The following ERN2 variants were observed in gnomAD, a reference collection of about 807,000 sequenced individuals.
The protein encoded by ERN2 is endoplasmic reticulum to nucleus signaling 2.
Under a neutral mutation model 107.9 loss-of-function variants are expected in ERN2, and 111 were observed. The ratio of observed to expected loss-of-function variants is 1.03; its 90% CI spans 0.88 to 1.20. The LOEUF is 1.20. ERN2 is among the 50% of genes most tolerant of loss of function. The pLI is 0.00. For synonymous variants in ERN2, 524 were observed against 501.7 expected (o/e 1.04, Z -0.59); for missense variants, 1,225 against 1,197.9 (o/e 1.02, Z -0.33).
At chr16:23,710,636 C>CA in intron 2 of ERN2, 87 bp from the exon 3 acceptor site, 3 of 1,458,360 alleles carry the variant, frequency 2.1e-6, no homozygotes, top group Non-Finnish European at 2.9e-6. Flanking sequence ...TATGGCATGA[C>CA]TGTGATGTCA....
chr16:23,712,921 G>A (rs1395686770), intron 1 of ERN2, 174 bp downstream of exon 1: 7 of 547,400 alleles, frequency 1.3e-5, no homozygotes, highest in Non-Finnish European at 2.2e-5. Flanking sequence ...GGCAACTGGC[G>A]GCTCCCCAAA....
Position 23,691,308 on chromosome 16 carries a change from G to A in ERN2, c.2494C>T (p.Gln832Ter). 1 of 1,610,686 alleles carries A rather than the reference G, an allele frequency of 6.2e-7. No homozygotes were observed. Among genetic ancestry groups the A allele is most frequent in the Non-Finnish European group, 8.5e-7 (1 of 1,179,618 alleles). The stretch of plus-strand genomic sequence containing the variant: ...ACCTGAGTATGGCCTCTACCTGTCT[G>A]CAGCGGCATGGAGATGTGCTCGTGC... ...NWHEHISMPL[Q>*]TDLRKFRSYK... The change falls in exon 20 of 22, where the codon CAG becomes TAG. Residue 832 changes from glutamine (Q) to a stop codon, truncating the protein, a stop_gained. Transcript: ENST00000256797. LOFTEE classifies it high-confidence loss of function.
chr16:23,701,803 A>G (rs1425561755), intron 11 of ERN2, among the ~76,000 whole-genome samples: 1 of 151,688 alleles, frequency 6.6e-6, no homozygotes, highest in Non-Finnish European at 1.5e-5. Context: ...CTAATTTTTT[A>G]TTTTTATTTT....
chr16:23,692,863 G>A (rs1207090692), intron 17 of ERN2, among the ~76,000 whole-genome samples: 1 of 152,074 alleles, frequency 6.6e-6, no homozygotes. Context: ...GGGACTACAG[G>A]CATGTGCCAC....
At chr16:23,703,570 A>C (rs1960179123) in intron 8 of ERN2, among the ~76,000 whole-genome samples, 1 of 152,214 alleles carries the variant, frequency 6.6e-6, no homozygotes, top group South Asian at 2.1e-4. Context: ...TATTCTTTCT[A>C]AAATGAAAAT....
Position 23,690,656 on chromosome 16 carries a change from A to G in ERN2, c.*175T>C, listed in dbSNP as rs1290325269. ...TTTTTTGTAGAAATGGGGTGTTGCC[A>G]TGTTGGCCAGGCTGGTCTCGAACTC... On this transcript the variant is annotated 3_prime_UTR_variant, in exon 22 of 22. Coordinates refer to ENST00000256797, the MANE Select transcript of ERN2 (RefSeq NM_033266.4). 4 of 613,762 alleles carry G rather than the reference A, an allele frequency of 6.5e-6. No individual in the cohort carries two copies. In the East Asian group the frequency reaches 8.3e-5, roughly 13 times the overall value. The allele number at this position is 613,762 out of a possible 1,614,324, so 38.0% of individuals were successfully genotyped here.
Position 23,691,976 on chromosome 16 carries a change from A to G in ERN2, c.2363T>C (p.Leu788Pro). Reference protein sequence around the residue: ...HPFFWSRAKQLQFFQDVSDWL... With the variant: ...HPFFWSRAKQPQFFQDVSDWL... ...TTTCCTTCTGACCTGGAAGAACTGG[A>G]GTTGCTTGGCTCTGCTCCAAAAGAA... The change falls in exon 19 of 22, where the codon CTC becomes CCC. Residue 788 changes from leucine to proline, a missense_variant. By Grantham distance (98) the Leu-to-Pro change is moderately conservative. Coordinates refer to ENST00000256797, the MANE Select transcript of ERN2 (RefSeq NM_033266.4). 1 of 1,612,792 alleles carries G rather than the reference A, an allele frequency of 6.2e-7. No homozygotes were observed. The highest frequency in any genetic ancestry group is 1.3e-5 in the African/African-American group (1 of 74,946).
chr16:23,695,006 G>A lies in ERN2; in HGVS notation c.1900+13C>T, dbSNP rs777239817. On this transcript the variant is annotated intron_variant, in intron 16 of 21. Transcript: ENST00000256797. ...TAAGGACAGGGAGCGGGAGGCAGGGGAAGTGCGGGTACCTATGTGTAAAGA... is the reference window on the plus strand; with the variant it reads ...TAAGGACAGGGAGCGGGAGGCAGGGAAAGTGCGGGTACCTATGTGTAAAGA... 2 of 1,613,038 alleles carry A rather than the reference G, an allele frequency of 1.2e-6. No homozygotes were observed. The highest frequency in any genetic ancestry group is 1.7e-6 in the Non-Finnish European group (2 of 1,179,316).
At chr16:23,710,891 G>A (rs780806585) in intron 2 of ERN2, 22 bp downstream of exon 2, 2 of 1,536,804 alleles carry the variant, frequency 1.3e-6, no homozygotes, top group South Asian at 1.1e-5. Context: ...CAAGGAGGGA[G>A]GAGGGACCAC....
rs988309701 is a variant in ERN2, at chr16:23,690,415, C to G, written c.*416G>C. ...GTGCCAGGGCCTGGGATCCAGCGAACATCTCTGCTTCATCAGCCCCAGGCT... is the reference window on the plus strand; with the variant it reads ...GTGCCAGGGCCTGGGATCCAGCGAAGATCTCTGCTTCATCAGCCCCAGGCT... On this transcript the variant is annotated 3_prime_UTR_variant, in exon 22 of 22. Transcript: ENST00000256797. The G allele has an allele frequency of 2.2e-6, 1 of 459,832 alleles. No individual in the cohort carries two copies. The highest frequency in any genetic ancestry group is 4.0e-6 in the Non-Finnish European group (1 of 251,592). The allele number at this position is 459,832 out of a possible 1,614,324, so 28.5% of individuals were successfully genotyped here. A position where few individuals can be genotyped will look rare whatever the true frequency, so the allele number is the denominator to read the frequency against.
chr16:23,691,276 C>T lies in ERN2; in HGVS notation c.2500+26G>A, dbSNP rs1959582962. On this transcript the variant is annotated intron_variant, in intron 20 of 21. Coordinates refer to ENST00000256797, the MANE Select transcript of ERN2 (RefSeq NM_033266.4). Reference sequence around the variant, plus strand: ...CCCAGGCCCACTCCCCTCCACCGCCCAGGCCCACCTGAGTATGGCCTCTAC... The same window carrying T: ...CCCAGGCCCACTCCCCTCCACCGCCTAGGCCCACCTGAGTATGGCCTCTAC... The T allele has an allele frequency of 5.0e-6, 8 of 1,612,612 alleles. No homozygotes were observed. In the Admixed American group the frequency reaches 1.2e-4, roughly 24 times the overall value.
At chr16:23,709,059 C>A in intron 4 of ERN2, 1 of 399,722 alleles carries the variant, frequency 2.5e-6, no homozygotes, top group Non-Finnish European at 5.0e-6. Flanking sequence ...GATTGACACA[C>A]TAAAATTTCT....
At chr16:23,691,521 A>G in intron 19 of ERN2, 96 bp from the exon 20 acceptor site, 22 of 1,416,670 alleles carry the variant, frequency 1.6e-5, no homozygotes, top group Non-Finnish European at 2.1e-5. Context: ...GGTGACTGAC[A>G]AGGATCATTG....
intron 19 of ERN2, 74 bp from the exon 20 acceptor site, chr16:23,691,499 G>C (rs1343249181): frequency 1.3e-6 from 2 of 1,535,742 alleles, no homozygotes; most frequent in Non-Finnish European, 8.8e-7. Context: ...TTGTCTTACA[G>C]GAGTAGTTTA....
chr16:23,692,167 G>A lies in ERN2; in HGVS notation c.2248+17C>T. 1 of 1,613,996 alleles carries A rather than the reference G, an allele frequency of 6.2e-7. No homozygotes were observed. Among genetic ancestry groups the A allele is most frequent in the African/African-American group, 1.3e-5 (1 of 75,040 alleles). ...TTGCCCGTCCTCCCTTCTCTGCCCT[G>A]CCCAGGGCTCCCTCACCGTGGACCT... is the stretch of plus-strand genomic sequence containing the variant. On this transcript the variant is annotated intron_variant, in intron 18 of 21. Coordinates refer to ENST00000256797, the MANE Select transcript of ERN2 (RefSeq NM_033266.4).
chr16:23,710,955 G>C lies in ERN2; in HGVS notation c.157C>G (p.Leu53Val), dbSNP rs766702434. 6 of 1,614,114 alleles carry C rather than the reference G, an allele frequency of 3.7e-6. No homozygotes were observed. Among genetic ancestry groups the C allele is most frequent in the Non-Finnish European group, 5.1e-6 (6 of 1,179,966 alleles). Residue 53 changes from leucine to valine, a missense_variant, in exon 2 of 22, where the codon CTA becomes GTA. Coordinates refer to ENST00000256797, the MANE Select transcript of ERN2 (RefSeq NM_033266.4). ...TTCAGGTCCCCTGTCTGCTTGCTTA[G>C]TGCGTGGAGACTTCCATCCAAGGTG... is the stretch of plus-strand genomic sequence containing the variant. Reference protein sequence around the residue: ...VSTLDGSLHALSKQTGDLKWT... With the variant: ...VSTLDGSLHAVSKQTGDLKWT...
chr16:23,710,646 A>T, intron 2 of ERN2, 97 bp from the exon 3 acceptor site: 1 of 1,388,928 alleles, frequency 7.2e-7, no homozygotes, highest in Non-Finnish European at 1.0e-6. Flanking sequence ...CTGTGATGTC[A>T]AGCACTTGGT....
At position 23,705,153 on chromosome 16, in the gene ERN2, G is replaced by C; in HGVS notation, c.590-6C>G. On this transcript the variant is annotated splice_polypyrimidine_tract_variant and splice_region_variant and intron_variant, in intron 7 of 21. Transcript: ENST00000256797. ...GGACGCCAGGTGGCTCATGTCTGCC[G>C]AGAAAGGTGGCTGGGGAGATGTGGT... is the stretch of plus-strand genomic sequence containing the variant. 1.2e-6 allele frequency: 2 copies of C among 1,610,170 alleles called. No individual in the cohort carries two copies. Among genetic ancestry groups the C allele is most frequent in the Non-Finnish European group, 1.7e-6 (2 of 1,176,784 alleles).
In ERN2 at chr16:23,704,926, G is replaced by A. The variant is rs757087948; in HGVS notation, c.811C>T (p.Arg271Trp). ...GHIRLPASGP[R>W]DTATLFSTLD... ...GTAGAGAAGAGGGTGGCTGTGTCCC[G>A]GGGGCCTGAGGCAGGCAGTCGGATG... The change falls in exon 8 of 22, where the codon CGG (arginine) becomes TGG (tryptophan). Residue 271 changes from arginine (R) to tryptophan (W), a missense_variant. Arg to Trp is a moderately radical substitution (Grantham distance 101, BLOSUM62 -3). Coordinates refer to ENST00000256797, the MANE Select transcript of ERN2 (RefSeq NM_033266.4). 213 of 1,612,968 alleles carry A rather than the reference G, an allele frequency of 1.3e-4. 1 individual carries two copies. Among genetic ancestry groups the A allele is most frequent in the Admixed American group, 1.3e-3 (76 of 60,008 alleles).
Sources: gnomAD v4.1 joint callset for allele counts (sites outside exome capture counted in the v4.1 genomes callset) on GRCh38, gnomAD v4.1.1 for gene constraint, MANE v1.5 for transcripts, NCBI Gene and HGNC (gene_info 2026-07-23, HGNC 2026-07-21) for gene names.